The following BLNK variants were observed in gnomAD, a reference collection of about 807,000 sequenced individuals.
BLNK encodes B cell linker, also known as B-cell linker protein.
Under a neutral mutation model 73.5 loss-of-function variants are expected in BLNK, and 29 were observed. The ratio of observed to expected loss-of-function variants is 0.39; its 90% CI spans 0.29 to 0.54. The LOEUF is 0.54. Ranked by LOEUF, BLNK falls within the 20% of genes least tolerant of loss-of-function variation. The probability of loss-of-function intolerance (pLI) is 0.61; values close to 1 mark genes in which losing one functional copy is unlikely to be tolerated. For synonymous variants in BLNK, 176 were observed against 200.8 expected, an observed-to-expected ratio of 0.88 and a Z score of 1.04; for missense variants, 460 against 562.8, an observed-to-expected ratio of 0.82 and a Z score of 1.85.
At chr10:96,249,836 T>C (rs544970701) in intron 1 of BLNK, among the ~76,000 whole-genome samples, 1 of 152,308 alleles carries the variant, frequency 6.6e-6, no homozygotes, top group East Asian at 1.9e-4. Context: ...AGTAAGATCT[T>C]GTAGTAGCTG....
intron 1 of BLNK, among the ~76,000 whole-genome samples, chr10:96,250,616 T>A (rs964352514): frequency 6.6e-6 from 1 of 152,132 alleles, no homozygotes; most frequent in Non-Finnish European, 1.5e-5. Flanking sequence ...CAGTGAAGAA[T>A]CCTATCAGAA....
intron 1 of BLNK, among the ~76,000 whole-genome samples, chr10:96,254,762 C>T (rs781995445): frequency 6.6e-5 from 10 of 152,154 alleles, no homozygotes; most frequent in East Asian, 1.9e-4. Flanking sequence ...CCGCCCACCT[C>T]GGCCTCCCAA....
At chr10:96,271,169 C>T (rs797038324) in intron 1 of BLNK, among the ~76,000 whole-genome samples, 183 bp downstream of exon 1, 4 of 152,306 alleles carry the variant, frequency 2.6e-5, no homozygotes, top group African/African-American at 9.6e-5. Context: ...GAACTCAGTT[C>T]ACTTCCCTAT....
chr10:96,261,903 A>T (rs1375717421), intron 1 of BLNK, among the ~76,000 whole-genome samples: 1 of 152,178 alleles, frequency 6.6e-6, no homozygotes, highest in East Asian at 1.9e-4. Flanking sequence ...ACCAAGTAAG[A>T]TTGTAAAATG....
At chr10:96,265,998 C>T (rs1241883412) in intron 1 of BLNK, among the ~76,000 whole-genome samples, 3 of 152,272 alleles carry the variant, frequency 2.0e-5, no homozygotes, top group Non-Finnish European at 4.4e-5. Flanking sequence ...CTATGTCTTG[C>T]GGGAGGCTGG....
Position 96,249,177 on chromosome 10 carries a change from C to T in BLNK, c.48-2128G>A, listed in dbSNP as rs1591356753. On this transcript the variant is annotated intron_variant, in intron 1 of 16. Coordinates refer to ENST00000224337, the MANE Select transcript of BLNK (RefSeq NM_013314.4). ...GTTCTTGTAGGAAATGGTGATTTCC[C>T]CACAATCCTGAAAGCAGATTTCTCT... Among the ~76,000 whole-genome samples, 8 of 152,312 alleles carry T rather than the reference C, an allele frequency of 5.3e-5. 2 individuals are homozygous for T. Among genetic ancestry groups the T allele is most frequent in the Admixed American group, 5.2e-4 (8 of 15,306 alleles).
intron 3 of BLNK, among the ~76,000 whole-genome samples, chr10:96,236,183 C>T (rs1055149002): frequency 5.9e-5 from 9 of 152,158 alleles, no homozygotes; most frequent in Non-Finnish European, 1.3e-4. Context: ...GCATGTCTGA[C>T]ATTCTGCCTC....
chr10:96,247,087 C>T, intron 1 of BLNK, 38 bp from the exon 2 acceptor site: 1 of 1,463,266 alleles, frequency 6.8e-7, no homozygotes, highest in Non-Finnish European at 9.4e-7. Context: ...TATTAATAAC[C>T]AGTCTGACTT....
intron 11 of BLNK, 26 bp from the exon 12 acceptor site, chr10:96,204,642 G>A (rs1554897014): frequency 6.2e-7 from 1 of 1,609,736 alleles, no homozygotes; most frequent in Non-Finnish European, 8.5e-7. Flanking sequence ...TATCATATTA[G>A]GATTAGAGTG....
rs1252489291 is a variant in BLNK at position 96,200,744 on chromosome 10, A to C, written c.1011+238T>G. On this transcript the variant is annotated intron_variant, in intron 14 of 16. Transcript: ENST00000224337. This position sits in a 1 kb window ranked among gnomAD's most constrained non-coding sequence, Gnocchi z 4.3. The stretch of plus-strand genomic sequence containing the variant: ...ATAAAATCTATGTGAGAGGAAGAAT[A>C]ATGAAAACACATTTCCTTGCTAGTT... Among the ~76,000 whole-genome samples, 1 of 152,222 alleles carries C rather than the reference A, an allele frequency of 6.6e-6. No homozygotes were observed. Among genetic ancestry groups the C allele is most frequent in the African/African-American group, 2.4e-5 (1 of 41,452 alleles).
intron 8 of BLNK, 107 bp downstream of exon 8, chr10:96,215,214 C>T: frequency 7.9e-7 from 1 of 1,269,940 alleles, no homozygotes. Flanking sequence ...GCCTTCTGTT[C>T]CCAATATTAA....
intron 11 of BLNK, chr10:96,205,033 G>T (rs1554897115): frequency 3.6e-6 from 1 of 276,558 alleles, no homozygotes; most frequent in African/African-American, 2.2e-5. Flanking sequence ...TTAGTCATAA[G>T]ACGTGGTATA....
At chr10:96,226,461 G>A (rs1487333550) in intron 5 of BLNK, among the ~76,000 whole-genome samples, 2 of 152,168 alleles carry the variant, frequency 1.3e-5, no homozygotes, top group African/African-American at 2.4e-5. Flanking sequence ...TGCTGGCATC[G>A]CCATGACCAT....
chr10:96,242,154 T>G (rs1842900523), intron 3 of BLNK, among the ~76,000 whole-genome samples: 2 of 152,196 alleles, frequency 1.3e-5, no homozygotes, highest in Non-Finnish European at 1.5e-5. Flanking sequence ...TGAGTGCAGT[T>G]TCCCCCGTAC....
chr10:96,223,023 C>T (rs1487609388), intron 6 of BLNK, among the ~76,000 whole-genome samples: 2 of 149,730 alleles, frequency 1.3e-5, no homozygotes, highest in Non-Finnish European at 2.9e-5. Flanking sequence ...AAACCTGAAA[C>T]TGGTGATGAG....
chr10:96,238,041 G>A (rs1842759531), intron 3 of BLNK, among the ~76,000 whole-genome samples: 1 of 152,218 alleles, frequency 6.6e-6, no homozygotes, highest in Non-Finnish European at 1.5e-5. Flanking sequence ...TTGGGGCAAT[G>A]CATTCTGCCC....
intron 1 of BLNK, among the ~76,000 whole-genome samples, chr10:96,266,497 G>A (rs1464025442): frequency 2.0e-5 from 3 of 152,214 alleles, no homozygotes; most frequent in African/African-American, 7.2e-5. Flanking sequence ...TTTCTTGGCT[G>A]ATGACTCTGA....
rs965778272 is a variant in BLNK, at chr10:96,190,993, C to T, written c.*980G>A. On this transcript the variant is annotated 3_prime_UTR_variant, in exon 17 of 17. Coordinates refer to ENST00000224337, the MANE Select transcript of BLNK (RefSeq NM_013314.4). Reference sequence around the variant, plus strand: ...AAATCTCATCTTGAATTGTAGCTCCCATAATCCCCACGTGCCATGGGAGGG... The same window carrying T: ...AAATCTCATCTTGAATTGTAGCTCCTATAATCCCCACGTGCCATGGGAGGG... Among the ~76,000 whole-genome samples, 4 of 152,134 alleles carry T rather than the reference C, an allele frequency of 2.6e-5. No individual in the cohort carries two copies. The highest frequency in any genetic ancestry group is 7.2e-5 in the African/African-American group (3 of 41,434).
intron 7 of BLNK, 111 bp from the exon 8 acceptor site, chr10:96,215,500 G>C: frequency 9.9e-7 from 1 of 1,007,008 alleles, no homozygotes; most frequent in Non-Finnish European, 1.5e-6. Flanking sequence ...GACCAGACCA[G>C]AGAATTTGCA....
Sources: gnomAD v4.1 joint callset for allele counts (sites outside exome capture counted in the v4.1 genomes callset) on GRCh38, gnomAD v4.1.1 for gene constraint, Gnocchi (gnomAD v3.1) non-coding constraint, MANE v1.5 for transcripts, NCBI Gene and HGNC (gene_info 2026-07-23, HGNC 2026-07-21) for gene names.